Variants in SYNPO2 observed in about 807,000 individuals in gnomAD.
SYNPO2 encodes synaptopodin-2.
SYNPO2 carries 56 observed loss-of-function variants against 85.0 expected under a neutral mutation model. The observed-to-expected ratio is 0.66, with a 90% CI of 0.53 to 0.82. The LOEUF (loss-of-function observed/expected upper bound fraction) is 0.82, where lower values mean the gene tolerates loss of function less well. Ranked by LOEUF, SYNPO2 falls within the 40% of genes least tolerant of loss-of-function variation. SYNPO2 has a pLI of 0.00. For synonymous variants in SYNPO2, 602 were observed against 591.1 expected (o/e 1.02, Z -0.27); for missense variants, 1,575 against 1,534.2 (o/e 1.03, Z -0.44).
intron 4 of SYNPO2, 121 bp from the exon 5 acceptor site, chr4:119,057,280 T>C: frequency 9.1e-7 from 1 of 1,098,020 alleles, no homozygotes; most frequent in Non-Finnish European, 1.2e-6. Context: ...GGGGGGTTAA[T>C]TTATTTTTAT....
chr4:118,872,346 A>G (rs1300058222), intron 1 of SYNPO2, among the ~76,000 whole-genome samples: 1 of 152,194 alleles, frequency 6.6e-6, no homozygotes, highest in Non-Finnish European at 1.5e-5. Flanking sequence ...CCGTGGTCAT[A>G]AGATGTTTGT....
At chr4:118,934,372 C>T (rs942695055) in intron 1 of SYNPO2, among the ~76,000 whole-genome samples, 6 of 152,118 alleles carry the variant, frequency 3.9e-5, no homozygotes, top group African/African-American at 1.2e-4. Flanking sequence ...TAGGCAAGAT[C>T]TCTCCTGTGG....
At chr4:118,936,063 T>G (rs1229100742) in intron 1 of SYNPO2, among the ~76,000 whole-genome samples, 1 of 152,194 alleles carries the variant, frequency 6.6e-6, no homozygotes, top group Admixed American at 6.5e-5. Flanking sequence ...ACCCATACAG[T>G]TCAAACCTGT....
rs541515246 is a variant in SYNPO2, at chr4:119,031,880, C to T, written c.3105C>T (p.Ser1035=). ...YSVPAYTSPP[S]FFAEASSPVS... is the part of the protein sequence containing the mutation. ...TACCAGCCTATACCTCTCCTCCTTC[C>T]TTCTTTGCAGAGGCCTCCTCACCAG... The change falls in exon 4 of 5, where the codon TCC becomes TCT. Residue 1035 remains serine, a synonymous_variant. Coordinates refer to ENST00000307142, the MANE Select transcript of SYNPO2 (RefSeq NM_133477.3). 1.9e-6 allele frequency: 3 copies of T among 1,614,238 alleles called. No individual in the cohort carries two copies. The highest frequency in any genetic ancestry group is 4.5e-5 in the East Asian group (2 of 44,876).
At chr4:118,963,598 G>A (rs891151528) in intron 1 of SYNPO2, among the ~76,000 whole-genome samples, 1 of 152,142 alleles carries the variant, frequency 6.6e-6, no homozygotes, top group African/African-American at 2.4e-5. Context: ...ACAGGTGTGT[G>A]CCACCGTGTC....
chr4:119,049,831 G>A (rs931758267), intron 4 of SYNPO2, among the ~76,000 whole-genome samples: 10 of 152,176 alleles, frequency 6.6e-5, no homozygotes, highest in African/African-American at 1.9e-4. Context: ...CAGAGCCCCG[G>A]ATATCTCATC....
chr4:119,059,767 C>T lies in SYNPO2; in HGVS notation c.*1833C>T, dbSNP rs1739349954. 1 of 151,336 alleles carries T rather than the reference C, an allele frequency of 6.6e-6. No homozygotes were observed. Among genetic ancestry groups the T allele is most frequent in the African/African-American group, 2.4e-5 (1 of 41,222 alleles). 9.4% of individuals were successfully genotyped at this position (151,336 alleles called of 1,614,324 possible). On this transcript the variant is annotated 3_prime_UTR_variant, in exon 5 of 5. Coordinates refer to ENST00000307142, the MANE Select transcript of SYNPO2 (RefSeq NM_133477.3). ...AGTTAAAAAAAAAAAGTAAAGAAAT[C>T]ACAGTAAGTTCTATTAGTGATGATA...
intron 1 of SYNPO2, among the ~76,000 whole-genome samples, chr4:119,007,060 T>A (rs1737056947): frequency 6.6e-6 from 1 of 150,520 alleles, no homozygotes; most frequent in Non-Finnish European, 1.5e-5. Flanking sequence ...TTGTACCAGG[T>A]AGAAAGACAT....
chr4:118,878,477 G>C (rs1036316725), intron 1 of SYNPO2, among the ~76,000 whole-genome samples: 5 of 152,200 alleles, frequency 3.3e-5, no homozygotes, highest in African/African-American at 7.2e-5. Context: ...GGTGAAGCCA[G>C]CTGGGCTTCT....
At chr4:118,932,651 T>C (rs886369141) in intron 1 of SYNPO2, among the ~76,000 whole-genome samples, 3 of 152,218 alleles carry the variant, frequency 2.0e-5, no homozygotes, top group African/African-American at 7.2e-5. Context: ...AAAATGGTTT[T>C]CTCTACGTCA....
chr4:118,978,863 C>A (rs2149161642), intron 1 of SYNPO2, among the ~76,000 whole-genome samples: 1 of 151,490 alleles, frequency 6.6e-6, no homozygotes, highest in African/African-American at 2.4e-5. Context: ...TGCCTGTAAC[C>A]TTTTTATGTA....
rs5861394 is a variant in SYNPO2 at position 118,915,011 on chromosome 4, C to CA, written c.105+25881dup. On this transcript the variant is annotated intron_variant, in intron 1 of 4. Transcript: ENST00000307142. ...AAATACTAGATGCAAAAAAGTTCTA[C>CA]AAAAAAAAAAACAGAAAAATCAATG... Among the ~76,000 whole-genome samples the CA allele has an allele frequency of 5.9e-3, 851 of 144,954 alleles. 11 individuals are homozygous for CA. Among genetic ancestry groups the CA allele is most frequent in the African/African-American group, 0.018 (716 of 39,512 alleles).
intron 1 of SYNPO2, among the ~76,000 whole-genome samples, chr4:118,894,970 T>C (rs1732505836): frequency 6.6e-6 from 1 of 152,218 alleles, no homozygotes; most frequent in African/African-American, 2.4e-5. Context: ...GAGTTGGTGA[T>C]AAGTTTTCAT....
intron 1 of SYNPO2, among the ~76,000 whole-genome samples, chr4:118,974,873 GT>G (rs1046560088): frequency 6.6e-6 from 1 of 152,128 alleles, no homozygotes; most frequent in African/African-American, 2.4e-5. Context: ...TCATCACGTT[GT>G]TTTTGCAGAA....
intron 1 of SYNPO2, among the ~76,000 whole-genome samples, chr4:118,979,839 G>A (rs1429694883): frequency 6.6e-6 from 1 of 152,176 alleles, no homozygotes; most frequent in East Asian, 1.9e-4. Context: ...ACACTAGGAG[G>A]TCAGGAAGTT....
chr4:119,027,210 C>G lies in SYNPO2; in HGVS notation c.841C>G (p.Leu281Val). The change falls in exon 3 of 5, where the codon CTG becomes GTG. Residue 281 changes from leucine (L) to valine (V), a missense_variant. Coordinates refer to ENST00000307142, the MANE Select transcript of SYNPO2 (RefSeq NM_133477.3). ...GGAAAGTGAAGCAGGAGATGCGGGA[C>G]TGCCCCGGGTGGAAGTGATCCTCGA... ...IQESEAGDAG[L>V]PRVEVILDCS... 6.2e-7 allele frequency: 1 copy of G among 1,614,140 alleles called. No homozygotes were observed. Among genetic ancestry groups the G allele is most frequent in the Non-Finnish European group, 8.5e-7 (1 of 1,180,038 alleles).
chr4:118,907,209 TTTTTAAAAAACG>T (rs1560849536), intron 1 of SYNPO2, among the ~76,000 whole-genome samples: 1 of 152,194 alleles, frequency 6.6e-6, no homozygotes, highest in African/African-American at 2.4e-5. Flanking sequence ...ATCAATATGT[TTTTTAAAAAACG>T]TCATTAACAG....
chr4:118,903,061 T>G (rs1412398005), intron 1 of SYNPO2, among the ~76,000 whole-genome samples: 1 of 152,214 alleles, frequency 6.6e-6, no homozygotes, highest in Non-Finnish European at 1.5e-5. Flanking sequence ...TTTAGTTTCC[T>G]CATCTGTAGA....
rs900549132 is a variant in SYNPO2, at chr4:119,030,246, G to T, written c.1471G>T (p.Gly491Ter). ...GATGTTACCAGACACCACAGGCAAG[G>T]GAGCCCTCATGTTTGCCAAGAGGAG... is the stretch of plus-strand genomic sequence containing the variant. ...MEMLPDTTGK[G>*]ALMFAKRRER... is the part of the protein sequence containing the mutation. The change falls in exon 4 of 5, where the codon GGA (glycine) becomes TGA (stop). Residue 491 changes from glycine to a stop codon, truncating the protein, a stop_gained. Transcript: ENST00000307142. LOFTEE classifies it high-confidence loss of function. 1 of 1,613,904 alleles carries T rather than the reference G, an allele frequency of 6.2e-7. No individual in the cohort carries two copies. The highest frequency in any genetic ancestry group is 8.5e-7 in the Non-Finnish European group (1 of 1,180,002).
Sources: allele counts gnomAD v4.1 joint callset (sites outside exome capture counted in the v4.1 genomes callset), GRCh38; gene constraint gnomAD v4.1.1; transcripts MANE v1.5; gene names NCBI Gene and HGNC (gene_info 2026-07-23, HGNC 2026-07-21).